HAL: variants seen among roughly 807,000 people sequenced by gnomAD.
The protein encoded by HAL is histidine ammonia-lyase.
A neutral mutation model predicts 81.1 loss-of-function variants in HAL; 85 were observed. The ratio of observed to expected loss-of-function variants is 1.05; its 90% CI spans 0.88 to 1.25. The LOEUF (loss-of-function observed/expected upper bound fraction) is 1.25, where lower values mean the gene tolerates loss of function less well. Ranked by LOEUF, HAL falls within the 50% of genes most tolerant of loss-of-function variation. The pLI is 0.00. For missense variants in HAL, 798 were observed against 836.6 expected, an observed-to-expected ratio of 0.95 and a Z score of 0.57; for synonymous variants, 301 against 309.2, an observed-to-expected ratio of 0.97 and a Z score of 0.28.
At chr12:95,981,091 C>T (rs562486140) in intron 15 of HAL, among the ~76,000 whole-genome samples, 2 of 152,292 alleles carry the variant, frequency 1.3e-5, no homozygotes, top group African/African-American at 2.4e-5. Flanking sequence ...AAACATGAAC[C>T]TTGAAATGAT....
Position 95,993,465 on chromosome 12 carries a change from C to T in HAL, c.575G>A (p.Arg192His), listed in dbSNP as rs778306212. 1.0e-5 allele frequency: 16 copies of T among 1,603,648 alleles called. No homozygotes were observed. The highest frequency in any genetic ancestry group is 1.6e-4 in the Middle Eastern group (1 of 6,072). Residue 192 changes from arginine (R) to histidine (H), a missense_variant, in exon 8 of 21, where the codon CGC becomes CAC. Arg to His is a conservative substitution (Grantham distance 29). Transcript: ENST00000261208. ...KLQELQVNLVRSHSSGVGKPL... is the reference protein window; with the variant it reads ...KLQELQVNLVHSHSSGVGKPL... ...TTTTGACTTACCTGAAGAATGTGAG[C>T]GTACTAAGTTGACCTGAAGCTCCCT...
chr12:95,992,931 T>G (rs1403541366), intron 8 of HAL, 126 bp from the exon 9 acceptor site: 9 of 847,324 alleles, frequency 1.1e-5, no homozygotes. Context: ...TCCTCTCGGC[T>G]CAGGTAGTTG....
chr12:95,988,404 A>C (rs969867439), intron 10 of HAL, among the ~76,000 whole-genome samples, 164 bp from the exon 11 acceptor site: 1 of 152,200 alleles, frequency 6.6e-6, no homozygotes, highest in African/African-American at 2.4e-5. Context: ...TCTATTCTCT[A>C]GTTCTGTTCT....
intron 12 of HAL, 78 bp downstream of exon 12, chr12:95,986,987 CTG>C: frequency 8.2e-7 from 1 of 1,223,244 alleles, no homozygotes; most frequent in African/African-American, 1.5e-5. Flanking sequence ...CCCACCACTT[CTG>C]TGTCTAAAGA....
At position 95,990,435 on chromosome 12, in the gene HAL, C is replaced by T; in HGVS notation, c.813G>A (p.Gly271=). 8 of 1,613,064 alleles carry T rather than the reference C, an allele frequency of 5.0e-6. No homozygotes were observed. Among genetic ancestry groups the T allele is most frequent in the Non-Finnish European group, 6.8e-6 (8 of 1,179,000 alleles). ...AGCCACTCTTCGGAGACCACATCTT[C>T]CCTTCTCCAACTAGCCCAAGAGCAA... ...SHLALGLVGE[G]KMWSPKSGWA... Residue 271 remains glycine (G), a synonymous_variant, in exon 10 of 21, where the codon GGG becomes GGA. Coordinates refer to ENST00000261208, the MANE Select transcript of HAL (RefSeq NM_002108.4).
rs767921453 is a variant in HAL at position 95,995,656 on chromosome 12, C to A, written c.247+8G>T. 1.2e-6 allele frequency: 2 copies of A among 1,613,026 alleles called. No homozygotes were observed. Among genetic ancestry groups the A allele is most frequent in the Non-Finnish European group, 1.7e-6 (2 of 1,180,050 alleles). On this transcript the variant is annotated splice_region_variant and intron_variant, in intron 2 of 20. Transcript: ENST00000261208. ...ACCCGTTCGCGGCCCTCTCCTGCAG[C>A]CACTCACCCACTTCCACGAACTCGT...
In HAL at chr12:95,982,152, A is replaced by G. The variant is rs143049096; in HGVS notation, c.1288-1289T>C. ...ATTTGTTTGTTGGCTATTAGATTAAAACAATTAGAATTTAACTCCCATAAT... is the reference window on the plus strand; with the variant it reads ...ATTTGTTTGTTGGCTATTAGATTAAGACAATTAGAATTTAACTCCCATAAT... On this transcript the variant is annotated intron_variant, in intron 15 of 20. Coordinates refer to ENST00000261208, the MANE Select transcript of HAL (RefSeq NM_002108.4). Among the ~76,000 whole-genome samples, 1,065 of 152,330 alleles carry G rather than the reference A, an allele frequency of 7.0e-3. 10 individuals carry two copies. The highest frequency in any genetic ancestry group is 0.013 in the Admixed American group (195 of 15,302).
chr12:95,995,187 G>A, intron 2 of HAL, 194 bp from the exon 3 acceptor site: 1 of 642,956 alleles, frequency 1.6e-6, no homozygotes, highest in South Asian at 1.8e-5. Context: ...TAGGTGTCAG[G>A]GCAGAGACCA....
rs2080684316 is a variant in HAL at position 95,973,907 on chromosome 12, A to T, written c.*325T>A. On this transcript the variant is annotated 3_prime_UTR_variant, in exon 21 of 21. Transcript: ENST00000261208. Reference sequence around the variant, plus strand: ...CTGTTTCCAAATTTGAATTCATCTAATGCTAAGAGTAAAAAACAGGCACAT... The same window carrying T: ...CTGTTTCCAAATTTGAATTCATCTATTGCTAAGAGTAAAAAACAGGCACAT... 8.1e-6 allele frequency: 2 copies of T among 245,516 alleles called. No individual in the cohort carries two copies. Among genetic ancestry groups the T allele is most frequent in the East Asian group, 1.6e-4 (2 of 12,456 alleles). The allele number at this position is 245,516 out of a possible 1,614,324, so 15.2% of individuals were successfully genotyped here.
chr12:95,980,411 A>G, intron 17 of HAL, 145 bp downstream of exon 17: 1 of 759,288 alleles, frequency 1.3e-6, no homozygotes, highest in Non-Finnish European at 2.3e-6. Context: ...TTAACCTGTT[A>G]CCTTTGCACT....
rs1212737371 is a variant in HAL, at chr12:95,974,223, C to G, written c.*9G>C. 2 of 1,613,318 alleles carry G rather than the reference C, an allele frequency of 1.2e-6. No homozygotes were observed. The highest frequency in any genetic ancestry group is 2.7e-5 in the African/African-American group (2 of 74,910). ...TGCCCTCTCATCTGCTACTTCATGA[C>G]AAAGCCCATTAAAGGTCCTCAGACT... On this transcript the variant is annotated 3_prime_UTR_variant, in exon 21 of 21. Transcript: ENST00000261208.
intron 15 of HAL, among the ~76,000 whole-genome samples, chr12:95,983,118 T>C (rs1464425187): frequency 2.0e-5 from 3 of 152,230 alleles, no homozygotes; most frequent in African/African-American, 7.2e-5. Context: ...CTGGGTGTAG[T>C]CGCTCACACC....
At chr12:95,986,265 T>C in intron 12 of HAL, 105 bp from the exon 13 acceptor site, 1 of 740,508 alleles carries the variant, frequency 1.4e-6, no homozygotes, top group South Asian at 1.5e-5. Flanking sequence ...ACTCCTGGGC[T>C]CTAGCGATCC....
intron 17 of HAL, among the ~76,000 whole-genome samples, chr12:95,979,013 A>C (rs1331764479): frequency 3.3e-5 from 5 of 152,222 alleles, no homozygotes; most frequent in African/African-American, 1.2e-4. Context: ...CTTGGACCCT[A>C]AACTGTGGAC....
chr12:95,982,242 A>G (rs2080803523), intron 15 of HAL, among the ~76,000 whole-genome samples: 1 of 152,240 alleles, frequency 6.6e-6, no homozygotes, highest in African/African-American at 2.4e-5. Flanking sequence ...TCTTTCAGGT[A>G]ACAGCAGTAT....
At chr12:95,991,698 G>T (rs754913931) in intron 9 of HAL, among the ~76,000 whole-genome samples, 2 of 152,182 alleles carry the variant, frequency 1.3e-5, no homozygotes, top group African/African-American at 4.8e-5. Flanking sequence ...GATAGTTCAC[G>T]CTGGGGAATT....
At chr12:95,990,024 G>A in intron 10 of HAL, 1 of 318,510 alleles carries the variant, frequency 3.1e-6, no homozygotes, top group Non-Finnish European at 6.1e-6. Flanking sequence ...AAGCCATATA[G>A]TAAGTGCTAT....
chr12:95,978,553 C>T (rs946369628), intron 17 of HAL, among the ~76,000 whole-genome samples: 7 of 152,036 alleles, frequency 4.6e-5, no homozygotes, highest in Non-Finnish European at 1.0e-4. Context: ...AACAGGGGCT[C>T]GATGACTGCC....
intron 20 of HAL, 131 bp downstream of exon 20, chr12:95,976,298 G>A: frequency 1.3e-6 from 1 of 797,486 alleles, no homozygotes; most frequent in Non-Finnish European, 2.3e-6. Context: ...GCAAGTTGTT[G>A]CTCAAATACC....
Sources: gnomAD v4.1 joint callset for allele counts (sites outside exome capture counted in the v4.1 genomes callset) on GRCh38, gnomAD v4.1.1 for gene constraint, MANE v1.5 for transcripts, NCBI Gene and HGNC (gene_info 2026-07-23, HGNC 2026-07-21) for gene names.